Variants in MAP7 observed in about 807,000 individuals in gnomAD.
MAP7 encodes the protein ensconsin.
MAP7 carries 52 observed loss-of-function variants against 94.8 expected under a neutral mutation model. That is an observed-to-expected ratio of 0.55 (90% confidence interval 0.44 to 0.69). The LOEUF (loss-of-function observed/expected upper bound fraction) is 0.69, where lower values mean the gene tolerates loss of function less well. MAP7 is among the 30% of genes least tolerant of loss of function. The probability of loss-of-function intolerance (pLI) is 0.00; values close to 1 mark genes in which losing one functional copy is unlikely to be tolerated. For synonymous variants in MAP7, 350 were observed against 357.0 expected, an observed-to-expected ratio of 0.98 and a Z score of 0.22; for missense variants, 940 against 964.6, an observed-to-expected ratio of 0.97 and a Z score of 0.34.
At chr6:136,377,924 G>T (rs911502563) in intron 6 of MAP7, 56 bp from the exon 7 acceptor site, 2 of 1,258,268 alleles carry the variant, frequency 1.6e-6, no homozygotes, top group African/African-American at 1.5e-5. Flanking sequence ...AGTCAAGAGG[G>T]CATAATACAT....
At chr6:136,377,152 G>T (rs964333997) in intron 7 of MAP7, among the ~76,000 whole-genome samples, 1 of 152,150 alleles carries the variant, frequency 6.6e-6, no homozygotes, top group Non-Finnish European at 1.5e-5. Context: ...TTTCAAAAAA[G>T]TAGGAGTTAT....
rs182918065 is a variant in MAP7, at chr6:136,450,367, T to A, written c.68-28568A>T. Among the ~76,000 whole-genome samples, 497 of 152,232 alleles carry A rather than the reference T, an allele frequency of 3.3e-3. 2 individuals are homozygous for A. The highest frequency in any genetic ancestry group is 0.011 in the African/African-American group (468 of 41,562). On this transcript the variant is annotated intron_variant, in intron 1 of 17. Transcript: ENST00000354570. ...CAATATCATAAACATAGATTTTTTTTTAAAATGAATTTTTAAACAAAATTC... is the reference window on the plus strand; with the variant it reads ...CAATATCATAAACATAGATTTTTTTATAAAATGAATTTTTAAACAAAATTC...
chr6:136,424,519 A>G (rs1040438), intron 1 of MAP7, among the ~76,000 whole-genome samples: 128,733 of 152,058 alleles, frequency 0.85, 54,572 homozygotes, highest in Admixed American at 0.88. Flanking sequence ...CTCTCTTTCC[A>G]ACATACTCTA....
chr6:136,465,469 T>C (rs1806696605), intron 1 of MAP7, among the ~76,000 whole-genome samples: 1 of 152,186 alleles, frequency 6.6e-6, no homozygotes, highest in African/African-American at 2.4e-5. Context: ...GTAAACATGC[T>C]TTCTGCAAAG....
rs557277138 is a variant in MAP7, at chr6:136,430,717, C to A, written c.68-8918G>T. 7.2e-5 allele frequency among the ~76,000 whole-genome samples: 11 copies of A among 152,298 alleles called. No individual in the cohort carries two copies. In the East Asian group the frequency reaches 1.9e-3, roughly 27 times the overall value. The stretch of plus-strand genomic sequence containing the variant: ...AAAATTATGGGCCAACGCATTCTCC[C>A]CATGCTGTCCTGTGCTGCAGTCATT... On this transcript the variant is annotated intron_variant, in intron 1 of 17. Coordinates refer to ENST00000354570, the MANE Select transcript of MAP7 (RefSeq NM_003980.6).
chr6:136,517,353 T>A (rs536615768), intron 1 of MAP7, among the ~76,000 whole-genome samples: 1 of 152,234 alleles, frequency 6.6e-6, no homozygotes, highest in East Asian at 1.9e-4. Context: ...AGGGAAAATA[T>A]CTCTATAAAA....
At chr6:136,473,373 C>T (rs143885378) in intron 1 of MAP7, among the ~76,000 whole-genome samples, 11 of 152,326 alleles carry the variant, frequency 7.2e-5, no homozygotes, top group African/African-American at 2.6e-4. Flanking sequence ...TCCAGTGGCA[C>T]TGGGATATAA....
rs982759637 is a variant in MAP7, at chr6:136,546,800, T to G, written c.67+3542A>C. Among the ~76,000 whole-genome samples the G allele has an allele frequency of 2.0e-5, 3 of 152,258 alleles. No homozygotes were observed. The South Asian group carries it at 6.2e-4, about 31-fold the overall frequency. ...GGCCCGAGTTTTTAAAAATAACTCT[T>G]CCAAATGATTGTTTCTCATGCATTG... is the stretch of plus-strand genomic sequence containing the variant. On this transcript the variant is annotated intron_variant, in intron 1 of 17. Coordinates refer to ENST00000354570, the MANE Select transcript of MAP7 (RefSeq NM_003980.6).
chr6:136,523,254 C>T (rs1256054635), intron 1 of MAP7, among the ~76,000 whole-genome samples: 2 of 152,172 alleles, frequency 1.3e-5, no homozygotes, highest in Non-Finnish European at 2.9e-5. Context: ...TTAATAACCA[C>T]ATTCATTTCA....
chr6:136,389,540 A>C, intron 3 of MAP7, 23 bp from the exon 4 acceptor site: 1 of 1,605,274 alleles, frequency 6.2e-7, no homozygotes, highest in Non-Finnish European at 8.5e-7. Flanking sequence ...TTAAAAAAAA[A>C]AAAAAAGAGG....
chr6:136,396,358 G>A (rs1486134873), intron 3 of MAP7, among the ~76,000 whole-genome samples: 1 of 151,720 alleles, frequency 6.6e-6, no homozygotes, highest in African/African-American at 2.4e-5. Context: ...TTTTTCCACT[G>A]GTTTGTCACT....
chr6:136,504,460 T>C (rs940515228), intron 1 of MAP7, among the ~76,000 whole-genome samples: 1 of 152,020 alleles, frequency 6.6e-6, no homozygotes, highest in Admixed American at 6.6e-5. Flanking sequence ...GCAATTCTCT[T>C]GCCTCAGCCT....
intron 15 of MAP7, among the ~76,000 whole-genome samples, chr6:136,358,101 A>G (rs1791511746): frequency 6.6e-6 from 1 of 152,226 alleles, no homozygotes; most frequent in Non-Finnish European, 1.5e-5. Flanking sequence ...TCCTTTTAGC[A>G]GTTTTAACTC....
At chr6:136,366,496 A>C in intron 8 of MAP7, 57 bp from the exon 9 acceptor site, 3 of 1,131,420 alleles carry the variant, frequency 2.7e-6, no homozygotes, top group Non-Finnish European at 4.0e-6. Flanking sequence ...AAACACACTC[A>C]CAATACTCAA....
At chr6:136,362,838 T>A in intron 10 of MAP7, 136 bp from the exon 11 acceptor site, 1 of 1,351,280 alleles carries the variant, frequency 7.4e-7, no homozygotes. Flanking sequence ...CTGTGTGTTC[T>A]CACGGTTTCA....
Position 136,389,509 on chromosome 6 carries a change from C to T in MAP7, c.253G>A (p.Glu85Lys). ...TCTTCTCTTTCTAACCACACTATTT[C>T]TCTTGCAGCTTTGGGGAGGGTTAAA... ...EEREKQLAAR[E>K]IVWLEREERA... The change falls in exon 4 of 18, where the codon GAA (glutamate) becomes AAA (lysine). Residue 85 changes from glutamate (E) to lysine (K), a missense_variant. Physicochemically the swap from Glu to Lys is moderately conservative, Grantham distance 56. Coordinates refer to ENST00000354570, the MANE Select transcript of MAP7 (RefSeq NM_003980.6). The T allele has an allele frequency of 6.2e-7, 1 of 1,606,458 alleles. No homozygotes were observed.
At chr6:136,540,814 C>A (rs1307092303) in intron 1 of MAP7, among the ~76,000 whole-genome samples, 1 of 152,190 alleles carries the variant, frequency 6.6e-6, no homozygotes, top group African/African-American at 2.4e-5. Flanking sequence ...TCCCATCCTG[C>A]AAGATTCTCA....
At chr6:136,462,135 A>G (rs1412562276) in intron 1 of MAP7, among the ~76,000 whole-genome samples, 1 of 150,222 alleles carries the variant, frequency 6.7e-6, no homozygotes, top group Non-Finnish European at 1.5e-5. Context: ...AGGGGTTCCA[A>G]TCTAGCCTGG....
chr6:136,500,778 A>G (rs1246937490), intron 1 of MAP7, among the ~76,000 whole-genome samples: 2 of 152,164 alleles, frequency 1.3e-5, no homozygotes, highest in East Asian at 3.9e-4. Flanking sequence ...TATTTCTCTA[A>G]TTTTTTATTT....
Sources: allele counts gnomAD v4.1 joint callset (sites outside exome capture counted in the v4.1 genomes callset), GRCh38; gene constraint gnomAD v4.1.1; transcripts MANE v1.5; gene names NCBI Gene and HGNC (gene_info 2026-07-23, HGNC 2026-07-21).